Variants in SIPA1L3 observed in about 807,000 individuals in gnomAD.
SIPA1L3 encodes signal induced proliferation associated 1 like 3.
SIPA1L3 carries 59 observed loss-of-function variants against 150.1 expected under a neutral mutation model. The observed-to-expected ratio is 0.39, with a 90% CI of 0.32 to 0.49. The LOEUF is 0.49. SIPA1L3 is among the 20% of genes least tolerant of loss of function. The probability of loss-of-function intolerance (pLI) is 0.86; values close to 1 mark genes in which losing one functional copy is unlikely to be tolerated. For synonymous variants in SIPA1L3, 1,070 were observed against 1,077.6 expected, an observed-to-expected ratio of 0.99 and a Z score of 0.14; for missense variants, 2,211 against 2,489.5, an observed-to-expected ratio of 0.89 and a Z score of 2.38.
At chr19:38,140,660 A>G (rs1971554675) in intron 10 of SIPA1L3, among the ~76,000 whole-genome samples, 1 of 152,100 alleles carries the variant, frequency 6.6e-6, no homozygotes, top group Non-Finnish European at 1.5e-5. Context: ...TGAGGTGGAA[A>G]GGGCCAGGCA....
intron 2 of SIPA1L3, among the ~76,000 whole-genome samples, chr19:38,034,813 C>T (rs1568512777): frequency 6.6e-6 from 1 of 152,186 alleles, no homozygotes; most frequent in Non-Finnish European, 1.5e-5. Flanking sequence ...TATACCTGTG[C>T]TTTTAGTTAT....
At chr19:38,016,231 A>G (rs749461813) in intron 1 of SIPA1L3, among the ~76,000 whole-genome samples, 5 of 152,208 alleles carry the variant, frequency 3.3e-5, no homozygotes, top group Admixed American at 6.5e-5. Context: ...CAAATACTCA[A>G]TTGGAGATAG....
chr19:38,204,158 G>T lies in SIPA1L3; in HGVS notation c.5152G>T (p.Val1718Leu). ...EEPPLDLTGK[V>L]YQLEVMLKQL... ...GCCACCCCTGGATCTGACAGGCAAG[G>T]TGTACCAGCTGGAGGTGATGCTGAA... The change falls in exon 21 of 22, where the codon GTG becomes TTG. Residue 1718 changes from valine (V) to leucine (L), a missense_variant. By Grantham distance (32) the Val-to-Leu change is conservative. This residue lies in a region of SIPA1L3 where 63 missense variants were observed against 106.1 expected (regional missense o/e 0.59). Transcript: ENST00000222345. The T allele has an allele frequency of 6.4e-7, 1 of 1,560,630 alleles. No homozygotes were observed. The highest frequency in any genetic ancestry group is 8.7e-7 in the Non-Finnish European group (1 of 1,151,368).
chr19:38,101,906 A>G (rs1970512348), intron 6 of SIPA1L3, among the ~76,000 whole-genome samples: 1 of 152,202 alleles, frequency 6.6e-6, no homozygotes, highest in Admixed American at 6.5e-5. Flanking sequence ...CGCCGTGTTC[A>G]CCCAGAGGAG....
At position 38,048,428 on chromosome 19, in the gene SIPA1L3, A is replaced by T. The variant is rs569238975; in HGVS notation, c.-311+19272A>T. ...TGCCCTTGTCCACAGGCATCAGGAG[A>T]GAGAGAACACACCCCACTGATGGTT... On this transcript the variant is annotated intron_variant, in intron 2 of 21. Transcript: ENST00000222345. Among the ~76,000 whole-genome samples the T allele has an allele frequency of 9.2e-5, 14 of 152,188 alleles. No individual in the cohort carries two copies. The South Asian group carries it at 1.9e-3, about 20-fold the overall frequency.
At chr19:38,111,684 G>A (rs912085517) in intron 8 of SIPA1L3, among the ~76,000 whole-genome samples, 3 of 152,186 alleles carry the variant, frequency 2.0e-5, no homozygotes, top group Admixed American at 6.6e-5. Flanking sequence ...CATGTTGCCC[G>A]CTGGCTACTG....
chr19:38,039,843 G>A (rs1192487581), intron 2 of SIPA1L3, among the ~76,000 whole-genome samples: 1 of 152,128 alleles, frequency 6.6e-6, no homozygotes, highest in East Asian at 1.9e-4. Context: ...AATTCAGCAG[G>A]GTACAGTGGC....
intron 13 of SIPA1L3, among the ~76,000 whole-genome samples, chr19:38,160,474 T>C (rs1972056573): frequency 6.6e-6 from 1 of 151,172 alleles, no homozygotes; most frequent in African/African-American, 2.4e-5. Context: ...CGATCTCGGC[T>C]CACTGCAGCC....
chr19:37,953,868 G>T lies in SIPA1L3; in HGVS notation c.-379+46510G>T, dbSNP rs527638680. On this transcript the variant is annotated intron_variant, in intron 1 of 21. Coordinates refer to ENST00000222345, the MANE Select transcript of SIPA1L3 (RefSeq NM_015073.3). ...AGGAATTAGGGCATGGGTTAGCCAG[G>T]ATTATTCAAATTTAATCTGATCATC... Among the ~76,000 whole-genome samples, 33 of 152,244 alleles carry T rather than the reference G, an allele frequency of 2.2e-4. No individual in the cohort carries two copies. The Middle Eastern group carries it at 0.01, about 47-fold the overall frequency.
At chr19:38,143,987 C>T (rs1341520732) in intron 12 of SIPA1L3, among the ~76,000 whole-genome samples, 1 of 152,192 alleles carries the variant, frequency 6.6e-6, no homozygotes, top group Non-Finnish European at 1.5e-5. Context: ...ACACTGGCCA[C>T]TCCCAGCTTC....
intron 1 of SIPA1L3, among the ~76,000 whole-genome samples, chr19:38,009,336 C>G (rs1191309620): frequency 1.3e-5 from 2 of 152,060 alleles, no homozygotes; most frequent in Admixed American, 1.3e-4. Flanking sequence ...GGCTATTATT[C>G]CATGGAGAAT....
intron 2 of SIPA1L3, among the ~76,000 whole-genome samples, chr19:38,044,488 T>C (rs1304254061): frequency 1.3e-5 from 2 of 152,032 alleles, no homozygotes; most frequent in African/African-American, 4.8e-5. Flanking sequence ...TATGGACCCC[T>C]GCAGTGAGGC....
At chr19:38,149,445 T>C (rs915817329) in intron 12 of SIPA1L3, among the ~76,000 whole-genome samples, 7 of 152,156 alleles carry the variant, frequency 4.6e-5, no homozygotes, top group Non-Finnish European at 8.8e-5. Context: ...GTACGGGTTG[T>C]CTGATTGGGG....
intron 1 of SIPA1L3, among the ~76,000 whole-genome samples, chr19:37,958,914 A>G (rs1298614209): frequency 6.6e-6 from 1 of 152,260 alleles, no homozygotes; most frequent in Non-Finnish European, 1.5e-5. Flanking sequence ...CAAATGGCCT[A>G]TAAGCACATG....
In SIPA1L3 at chr19:38,050,629, T is replaced by G. The variant is rs533155679; in HGVS notation, c.-311+21473T>G. On this transcript the variant is annotated intron_variant, in intron 2 of 21. Transcript: ENST00000222345. ...ATGGCTCTGCCTGTGGAGGAATTTCTGGCTTCTCCTGGGTCGTCCAAGAGA... is the reference window on the plus strand; with the variant it reads ...ATGGCTCTGCCTGTGGAGGAATTTCGGGCTTCTCCTGGGTCGTCCAAGAGA... Among the ~76,000 whole-genome samples the G allele has an allele frequency of 4.6e-5, 7 of 152,394 alleles. No individual in the cohort carries two copies. In the East Asian group the frequency reaches 1.3e-3, roughly 29 times the overall value.
At chr19:38,155,382 G>C (rs1971922366) in intron 13 of SIPA1L3, among the ~76,000 whole-genome samples, 1 of 152,174 alleles carries the variant, frequency 6.6e-6, no homozygotes, top group Non-Finnish European at 1.5e-5. Flanking sequence ...GGCTGGCTTT[G>C]TAATTTGAAT....
At chr19:38,168,175 T>C (rs1289950484) in intron 15 of SIPA1L3, among the ~76,000 whole-genome samples, 1 of 151,968 alleles carries the variant, frequency 6.6e-6, no homozygotes, top group African/African-American at 2.4e-5. Context: ...TCACCTGAGG[T>C]CAGGAGTTCG....
At chr19:38,181,962 G>A (rs896385563) in intron 15 of SIPA1L3, among the ~76,000 whole-genome samples, 1 of 151,962 alleles carries the variant, frequency 6.6e-6, no homozygotes, top group African/African-American at 2.4e-5. Flanking sequence ...GACCAGCCTG[G>A]GAACATAGTG....
intron 1 of SIPA1L3, among the ~76,000 whole-genome samples, chr19:38,013,882 G>T (rs1017693930): frequency 3.9e-5 from 6 of 152,230 alleles, no homozygotes; most frequent in Admixed American, 2.6e-4. Flanking sequence ...CTGCTTGCTG[G>T]CCTGGAGGCA....
Sources: gnomAD v4.1 joint callset for allele counts (sites outside exome capture counted in the v4.1 genomes callset) on GRCh38, gnomAD v4.1.1 for gene constraint, gnomAD v4.1.1 regional missense constraint, MANE v1.5 for transcripts, NCBI Gene and HGNC (gene_info 2026-07-23, HGNC 2026-07-21) for gene names.